Variants in GRID2 observed in about 807,000 individuals in gnomAD.
GRID2 encodes glutamate receptor ionotropic, delta-2.
A neutral mutation model predicts 114.8 loss-of-function variants in GRID2; 33 were observed. The ratio of observed to expected loss-of-function variants is 0.29; its 90% CI spans 0.22 to 0.38. The LOEUF (loss-of-function observed/expected upper bound fraction) is 0.38. Among genes scored for constraint, GRID2 ranks in the 10% least tolerant of loss-of-function variants. GRID2 has a pLI of 1.00. For synonymous variants in GRID2, 505 were observed against 449.9 expected, an observed-to-expected ratio of 1.12 and a Z score of -1.55; for missense variants, 1,184 against 1,257.7, an observed-to-expected ratio of 0.94 and a Z score of 0.89.
intron 8 of GRID2, among the ~76,000 whole-genome samples, chr4:93,348,512 A>G (rs766982699): frequency 6.6e-6 from 1 of 152,176 alleles, no homozygotes; most frequent in African/African-American, 2.4e-5. Flanking sequence ...TGTTTAAATC[A>G]TAACTAATCC....
At chr4:92,440,294 G>A (rs1409753771) in intron 1 of GRID2, among the ~76,000 whole-genome samples, 18 of 145,978 alleles carry the variant, frequency 1.2e-4, no homozygotes, top group African/African-American at 4.2e-4. Flanking sequence ...ATAAAGGCTG[G>A]TCTATTATCA....
At chr4:93,098,353 A>G (rs1731405987) in intron 3 of GRID2, among the ~76,000 whole-genome samples, 1 of 152,002 alleles carries the variant, frequency 6.6e-6, no homozygotes. Flanking sequence ...TGGTATTGAA[A>G]GAGGCTCATT....
intron 4 of GRID2, among the ~76,000 whole-genome samples, chr4:93,196,093 T>A (rs1741459877): frequency 6.6e-6 from 1 of 152,172 alleles, no homozygotes; most frequent in Non-Finnish European, 1.5e-5. Flanking sequence ...AGTTTATACT[T>A]CATCCTAGTG....
chr4:92,772,970 C>A (rs191689129), intron 2 of GRID2, among the ~76,000 whole-genome samples: 223 of 152,296 alleles, frequency 1.5e-3, no homozygotes, highest in African/African-American at 5.3e-3. Context: ...ATTTTACATG[C>A]TCTGTCAAGT....
intron 1 of GRID2, among the ~76,000 whole-genome samples, chr4:92,322,052 G>A (rs1175644532): frequency 6.6e-6 from 1 of 152,032 alleles, no homozygotes; most frequent in Non-Finnish European, 1.5e-5. Flanking sequence ...TGCTAATCAG[G>A]GTCCTAGATT....
At chr4:92,875,759 T>C (rs886440883) in intron 2 of GRID2, among the ~76,000 whole-genome samples, 6 of 152,164 alleles carry the variant, frequency 3.9e-5, no homozygotes, top group Non-Finnish European at 8.8e-5. Flanking sequence ...TTCTAAATCA[T>C]GCAGTTTTAG....
intron 1 of GRID2, among the ~76,000 whole-genome samples, chr4:92,564,674 A>T (rs995118830): frequency 2.0e-5 from 3 of 152,040 alleles, no homozygotes; most frequent in Admixed American, 1.3e-4. Context: ...CAGTACATAC[A>T]CTAAAAGAAT....
At chr4:92,423,539 A>G (rs1732007072) in intron 1 of GRID2, among the ~76,000 whole-genome samples, 1 of 152,154 alleles carries the variant, frequency 6.6e-6, no homozygotes, top group Admixed American at 6.6e-5. Context: ...TAAAAAGTGA[A>G]GAGAAGTGAT....
chr4:93,126,755 G>T (rs962912225), intron 4 of GRID2, among the ~76,000 whole-genome samples: 1 of 150,542 alleles, frequency 6.6e-6, no homozygotes, highest in Admixed American at 6.6e-5. Context: ...CCGCTACCAC[G>T]CCCGGCTAAT....
intron 2 of GRID2, among the ~76,000 whole-genome samples, chr4:93,071,384 A>G (rs566871958): frequency 1.3e-5 from 2 of 152,262 alleles, no homozygotes; most frequent in East Asian, 1.9e-4. Flanking sequence ...GGTTTAGGGC[A>G]TAAGGCATTG....
At chr4:93,230,412 C>T (rs945542741) in intron 7 of GRID2, among the ~76,000 whole-genome samples, 2 of 152,056 alleles carry the variant, frequency 1.3e-5, no homozygotes, top group African/African-American at 4.8e-5. Context: ...AACAAGTATA[C>T]TCTTAAACAT....
intron 13 of GRID2, among the ~76,000 whole-genome samples, chr4:93,594,600 C>A (rs1560794408): frequency 6.6e-6 from 1 of 152,210 alleles, no homozygotes; most frequent in African/African-American, 2.4e-5. Context: ...AGCTTCCAGG[C>A]TGCTTTGTTT....
At chr4:93,533,306 CTTCCTTCCTTCT>C (rs1254639599) in intron 13 of GRID2, among the ~76,000 whole-genome samples, 14 of 128,902 alleles carry the variant, frequency 1.1e-4, no homozygotes, top group Non-Finnish European at 2.0e-4. Flanking sequence ...TCCTTCCTTC[CTTCCTTCCTTCT>C]TTCCTTTCTT....
intron 13 of GRID2, among the ~76,000 whole-genome samples, chr4:93,564,433 G>T (rs1735218028): frequency 6.6e-6 from 1 of 151,862 alleles, no homozygotes; most frequent in Non-Finnish European, 1.5e-5. Flanking sequence ...TGAAGTTAAG[G>T]TCGCACTGAG....
At chr4:93,371,256 T>A (rs1762882547) in intron 8 of GRID2, among the ~76,000 whole-genome samples, 1 of 152,184 alleles carries the variant, frequency 6.6e-6, no homozygotes, top group African/African-American at 2.4e-5. Context: ...ATATAATTGT[T>A]AAGCCTAAGA....
chr4:92,627,145 A>G (rs1432818900), intron 2 of GRID2, among the ~76,000 whole-genome samples: 1 of 152,102 alleles, frequency 6.6e-6, no homozygotes, highest in Non-Finnish European at 1.5e-5. Flanking sequence ...GATACAGGTT[A>G]TAAGACATGA....
chr4:92,798,576 T>A (rs1478075481), intron 2 of GRID2, among the ~76,000 whole-genome samples: 1 of 152,016 alleles, frequency 6.6e-6, no homozygotes, highest in African/African-American at 2.4e-5. Flanking sequence ...AGAATCTAAC[T>A]TTGGACATTT....
intron 2 of GRID2, among the ~76,000 whole-genome samples, chr4:93,078,571 G>T (rs1193803304): frequency 6.7e-6 from 1 of 150,204 alleles, no homozygotes; most frequent in African/African-American, 2.4e-5. Context: ...AAAGATAGGA[G>T]ATTGATCTGA....
downstream of GRID2, among the ~76,000 whole-genome samples, chr4:93,776,601 G>A (rs1350075170): frequency 1.3e-5 from 2 of 152,114 alleles, no homozygotes; most frequent in African/African-American, 2.4e-5. Context: ...GTTACAGAAT[G>A]AGTCACCCCA....
Sources: allele counts gnomAD v4.1 joint callset (sites outside exome capture counted in the v4.1 genomes callset), GRCh38; gene constraint gnomAD v4.1.1; transcripts MANE v1.5; gene names NCBI Gene and HGNC (gene_info 2026-07-23, HGNC 2026-07-21).